ADAMTS16: variants seen among roughly 807,000 people sequenced by gnomAD.
ADAMTS16 encodes ADAM metallopeptidase with thrombospondin type 1 motif 16, also known as A disintegrin and metalloproteinase with thrombospondin motifs 16.
In ADAMTS16, 94 loss-of-function variants were observed where a neutral mutation model predicts 145.8. The ratio of observed to expected loss-of-function variants is 0.64; its 90% CI spans 0.55 to 0.77. The LOEUF (loss-of-function observed/expected upper bound fraction) is 0.77. Among genes scored for constraint, ADAMTS16 ranks in the 30% least tolerant of loss-of-function variants. ADAMTS16 has a pLI of 0.00. For synonymous variants in ADAMTS16, 659 were observed against 604.3 expected (o/e 1.09, Z -1.33); for missense variants, 1,585 against 1,591.5 (o/e 1.00, Z 0.07).
intron 9 of ADAMTS16, among the ~76,000 whole-genome samples, chr5:5,201,222 G>T (rs932617640): frequency 2.0e-5 from 3 of 152,122 alleles, no homozygotes; most frequent in African/African-American, 7.2e-5. Flanking sequence ...GGTGTTCCTG[G>T]AGGAACTCAT....
At chr5:5,288,531 C>T (rs891731752) in intron 18 of ADAMTS16, among the ~76,000 whole-genome samples, 3 of 152,060 alleles carry the variant, frequency 2.0e-5, no homozygotes, top group Admixed American at 6.6e-5. Context: ...CAGGAATTTT[C>T]GGAAAACTTC....
intron 2 of ADAMTS16, among the ~76,000 whole-genome samples, chr5:5,144,076 G>C (rs1169863278): frequency 6.6e-6 from 1 of 151,636 alleles, no homozygotes; most frequent in Non-Finnish European, 1.5e-5. Flanking sequence ...GTATACCTAT[G>C]TAACAAACCT....
intron 9 of ADAMTS16, among the ~76,000 whole-genome samples, chr5:5,205,517 C>T (rs574381554): frequency 1.3e-5 from 2 of 152,302 alleles, no homozygotes; most frequent in South Asian, 4.1e-4. Context: ...CCTTTCTGCA[C>T]CCACACTTTT....
In ADAMTS16 at chr5:5,140,720, G is replaced by A; in HGVS notation, c.129G>A (p.Pro43=). 2 of 1,570,626 alleles carry A rather than the reference G, an allele frequency of 1.3e-6. No individual in the cohort carries two copies. Among genetic ancestry groups the A allele is most frequent in the East Asian group, 2.3e-5 (1 of 43,352 alleles). ...AAAAPGSPSV[P]RPPPPAERPG... is the part of the protein sequence containing the mutation. ...CAGCGCCTGGGAGCCCGAGCGTCCCGCGTCCTCCTCCACCCGCGGAGCGGC... is the reference window on the plus strand; with the variant it reads ...CAGCGCCTGGGAGCCCGAGCGTCCCACGTCCTCCTCCACCCGCGGAGCGGC... The change falls in exon 2 of 23, where the codon CCG becomes CCA. Residue 43 remains proline, a synonymous_variant. Transcript: ENST00000274181.
At chr5:5,264,136 A>G (rs755522184) in intron 18 of ADAMTS16, among the ~76,000 whole-genome samples, 2 of 152,148 alleles carry the variant, frequency 1.3e-5, no homozygotes, top group Non-Finnish European at 2.9e-5. Context: ...GGAAAGGGCA[A>G]CATTTGATTG....
intron 18 of ADAMTS16, among the ~76,000 whole-genome samples, chr5:5,288,079 G>C (rs1484628088): frequency 2.0e-5 from 3 of 152,176 alleles, no homozygotes. Context: ...GAGGAGGAAG[G>C]AGGCCATCAT....
intron 3 of ADAMTS16, among the ~76,000 whole-genome samples, chr5:5,146,704 C>T (rs1327683691): frequency 6.6e-6 from 1 of 152,194 alleles, no homozygotes; most frequent in Non-Finnish European, 1.5e-5. Context: ...AGCACTTCAG[C>T]TTGAAACTTG....
chr5:5,256,203 A>G (rs906781690), intron 17 of ADAMTS16, among the ~76,000 whole-genome samples: 6 of 152,218 alleles, frequency 3.9e-5, no homozygotes, highest in African/African-American at 7.2e-5. Context: ...TTGGAAACCC[A>G]TGGCAGTATT....
intron 21 of ADAMTS16, among the ~76,000 whole-genome samples, chr5:5,309,388 G>A (rs1198171139): frequency 6.6e-6 from 1 of 152,148 alleles, no homozygotes; most frequent in Non-Finnish European, 1.5e-5. Flanking sequence ...TGATTTCAGG[G>A]ATGTGCAACC....
intron 18 of ADAMTS16, among the ~76,000 whole-genome samples, chr5:5,299,479 A>C (rs1739683311): frequency 6.6e-6 from 1 of 151,524 alleles, no homozygotes; most frequent in Non-Finnish European, 1.5e-5. Flanking sequence ...ATTTTCAAAG[A>C]AAGCATTATA....
intron 9 of ADAMTS16, among the ~76,000 whole-genome samples, chr5:5,202,068 G>A (rs1402990353): frequency 6.6e-6 from 1 of 152,076 alleles, no homozygotes; most frequent in Non-Finnish European, 1.5e-5. Flanking sequence ...GTACTTTCTG[G>A]TGGTCTGTTG....
chr5:5,270,615 A>G lies in ADAMTS16; in HGVS notation c.2789+7832A>G, dbSNP rs563558356. 3.3e-5 allele frequency among the ~76,000 whole-genome samples: 5 copies of G among 152,366 alleles called. No homozygotes were observed. The East Asian group carries it at 9.6e-4, about 29-fold the overall frequency. ...CAAAAACACAGAATAATGGACCTAC[A>G]TGGCATATGTCAACCCTTGGGGATT... On this transcript the variant is annotated intron_variant, in intron 18 of 22. Coordinates refer to ENST00000274181, the MANE Select transcript of ADAMTS16 (RefSeq NM_139056.4).
chr5:5,236,373 A>G (rs543984628), intron 13 of ADAMTS16, among the ~76,000 whole-genome samples: 1 of 152,320 alleles, frequency 6.6e-6, no homozygotes, highest in South Asian at 2.1e-4. Context: ...AATATAAACC[A>G]AAAACCTTGA....
At position 5,186,185 on chromosome 5, in the gene ADAMTS16, C is replaced by T. The variant is rs1735491255; in HGVS notation, c.897C>T (p.Asp299=). 1 of 1,613,118 alleles carries T rather than the reference C, an allele frequency of 6.2e-7. No homozygotes were observed. Residue 299 remains aspartate, a synonymous_variant, in exon 5 of 23, where the codon GAC becomes GAT. Coordinates refer to ENST00000274181, the MANE Select transcript of ADAMTS16 (RefSeq NM_139056.4). ...ACGTGGAGACCTTGGTGGTGGTCGA[C>T]AAAAAGATGATGCAAAACCATGGCC... ...ELNVETLVVV[D]KKMMQNHGHE...
At chr5:5,252,175 G>C (rs571892618) in intron 17 of ADAMTS16, among the ~76,000 whole-genome samples, 1 of 152,092 alleles carries the variant, frequency 6.6e-6, no homozygotes, top group Non-Finnish European at 1.5e-5. Flanking sequence ...CTACATCCCC[G>C]TGTCTACAAT....
intron 18 of ADAMTS16, among the ~76,000 whole-genome samples, chr5:5,295,282 C>CT: frequency 6.6e-6 from 1 of 152,214 alleles, no homozygotes; most frequent in East Asian, 1.9e-4. Flanking sequence ...TTTGTCTCAG[C>CT]CACACCTAAT....
chr5:5,205,782 T>G (rs1736088200), intron 9 of ADAMTS16, among the ~76,000 whole-genome samples: 1 of 152,230 alleles, frequency 6.6e-6, no homozygotes, highest in Admixed American at 6.5e-5. Flanking sequence ...TTTGTTATTC[T>G]TGTTGTTATT....
rs1477563721 is a variant in ADAMTS16 at position 5,310,966 on chromosome 5, C to G, written c.3411+4238C>G. On this transcript the variant is annotated intron_variant, in intron 21 of 22. Transcript: ENST00000274181. This position sits in a 1 kb window ranked among gnomAD's most constrained non-coding sequence, Gnocchi z 4.3. ...AGCCCTAGCCCAGAGCCACGAGGACCAGAGATATGTGAGCAGCAGGGGCTG... is the reference window on the plus strand; with the variant it reads ...AGCCCTAGCCCAGAGCCACGAGGACGAGAGATATGTGAGCAGCAGGGGCTG... 2.6e-5 allele frequency among the ~76,000 whole-genome samples: 4 copies of G among 152,098 alleles called. No individual in the cohort carries two copies. Among genetic ancestry groups the G allele is most frequent in the African/African-American group, 9.7e-5 (4 of 41,412 alleles).
rs184397064 is a variant in ADAMTS16, at chr5:5,258,178, T to C, written c.2663-4479T>C. On this transcript the variant is annotated intron_variant, in intron 17 of 22. Transcript: ENST00000274181. ...GATTGATTGAATCATCCGCCGTTAG[T>C]GATTAGCCAAGTCTCAAGCCTCTCT... Among the ~76,000 whole-genome samples, 89 of 152,288 alleles carry C rather than the reference T, an allele frequency of 5.8e-4. 2 individuals are homozygous for C. Among genetic ancestry groups the C allele is most frequent in the Non-Finnish European group, 1.5e-4 (10 of 68,024 alleles).
Sources: allele counts gnomAD v4.1 joint callset (sites outside exome capture counted in the v4.1 genomes callset), GRCh38; gene constraint gnomAD v4.1.1; non-coding constraint Gnocchi (gnomAD v3.1); transcripts MANE v1.5; gene names NCBI Gene and HGNC (gene_info 2026-07-23, HGNC 2026-07-21).